RFFL: variants seen among roughly 807,000 people sequenced by gnomAD.
RFFL encodes ring finger and FYVE like domain containing E3 ubiquitin protein ligase.
A neutral mutation model predicts 40.4 loss-of-function variants in RFFL; 16 were observed. That is an observed-to-expected ratio of 0.40 (90% confidence interval 0.27 to 0.60). RFFL has a LOEUF of 0.60. Among genes scored for constraint, RFFL ranks in the 20% least tolerant of loss-of-function variants. The pLI is 0.47. For synonymous variants in RFFL, 154 were observed against 167.9 expected (o/e 0.92, Z 0.64); for missense variants, 367 against 451.7 (o/e 0.81, Z 1.70).
rs1029952556 is a variant in RFFL, at chr17:35,011,231, CAG to C, written c.*735_*736del. 2 of 152,198 alleles carry C rather than the reference CAG, an allele frequency of 1.3e-5. No individual in the cohort carries two copies. The highest frequency in any genetic ancestry group is 2.9e-5 in the Non-Finnish European group (2 of 68,044). The allele number at this position is 152,198 out of a possible 1,614,324, so 9.4% of individuals were successfully genotyped here. On this transcript the variant is annotated 3_prime_UTR_variant, in exon 7 of 7. Coordinates refer to ENST00000394597, the MANE Select transcript of RFFL (RefSeq NM_001017368.2). Reference sequence around the variant, plus strand: ...TTATGCACGCACTATCCCTTGCAGACAGAAACAAATTTCCCAGCAGTTTGGGA... The same window carrying C: ...TTATGCACGCACTATCCCTTGCAGACAAACAAATTTCCCAGCAGTTTGGGA...
At chr17:35,044,651 T>C (rs1249675653) in intron 1 of RFFL, among the ~76,000 whole-genome samples, 1 of 152,174 alleles carries the variant, frequency 6.6e-6, no homozygotes, top group Admixed American at 6.5e-5. Flanking sequence ...GGGTAACTAG[T>C]AAATAATAAT....
intron 1 of RFFL, among the ~76,000 whole-genome samples, chr17:35,076,502 GA>G (rs1281021872): frequency 1.3e-5 from 2 of 151,660 alleles, no homozygotes; most frequent in Non-Finnish European, 2.9e-5. Context: ...CCAACATGGA[GA>G]AACCCCATCT....
chr17:35,028,554 G>A (rs1021814527), intron 1 of RFFL, among the ~76,000 whole-genome samples: 1 of 152,028 alleles, frequency 6.6e-6, no homozygotes. Context: ...GTAGACTAAA[G>A]CAGCCCATGT....
intron 2 of RFFL, 112 bp from the exon 3 acceptor site, chr17:35,021,893 T>A: frequency 9.8e-7 from 1 of 1,022,588 alleles, no homozygotes; most frequent in South Asian, 1.5e-5. Flanking sequence ...CAGTCACTCT[T>A]ACTTTTACTA....
At position 35,016,444 on chromosome 17, in the gene RFFL, C is replaced by G; in HGVS notation, c.812G>C (p.Gly271Ala). Residue 271 changes from glycine to alanine, a missense_variant, in exon 5 of 7, where the codon GGC becomes GCC. Transcript: ENST00000394597. ...CATCAGCTCCCACTTCTCACAGCAG[C>G]CCTTGTAGTTGACAAAGTTGCGAGC... ...ILARNFVNYK[G>A]CCEKWELMER... The G allele has an allele frequency of 1.2e-6, 2 of 1,614,204 alleles. No homozygotes were observed. The highest frequency in any genetic ancestry group is 1.7e-6 in the Non-Finnish European group (2 of 1,180,028).
intron 1 of RFFL, among the ~76,000 whole-genome samples, chr17:35,055,120 G>A (rs769968185): frequency 3.3e-5 from 5 of 151,866 alleles, no homozygotes; most frequent in Non-Finnish European, 5.9e-5. Context: ...GGGTTTCACC[G>A]TGTTAGCCAA....
At chr17:35,063,015 C>T (rs953588700) in intron 1 of RFFL, among the ~76,000 whole-genome samples, 6 of 152,142 alleles carry the variant, frequency 3.9e-5, no homozygotes, top group Admixed American at 1.3e-4. Context: ...CTTAGTTTGA[C>T]TAAAGTGTTT....
chr17:35,021,383 C>G lies in RFFL; in HGVS notation c.579G>C (p.Gln193His), dbSNP rs2091007238. ...AATGGGCCCTTACCTGCTGATTCTC[C>G]TGAACCTGGGCTGGGGGAACAGAGG... The part of the protein sequence containing the change: ...QATSVPPAQV[Q>H]ENQQANGHVS... The change falls in exon 3 of 7, where the codon CAG (glutamine) becomes CAC (histidine). Residue 193 changes from glutamine (Q) to histidine (H), a missense_variant. Gln to His is a conservative substitution (Grantham distance 24). Transcript: ENST00000394597. 58 of 1,520,586 alleles carry G rather than the reference C, an allele frequency of 3.8e-5. No individual in the cohort carries two copies. The highest frequency in any genetic ancestry group is 5.0e-5 in the Non-Finnish European group (57 of 1,136,584). 94.2% of individuals were successfully genotyped at this position (1,520,586 alleles called of 1,614,324 possible). A position where few individuals can be genotyped will look rare whatever the true frequency, so the allele number is the denominator to read the frequency against.
chr17:35,044,394 G>C (rs1350499640), intron 1 of RFFL, among the ~76,000 whole-genome samples: 1 of 152,142 alleles, frequency 6.6e-6, no homozygotes, highest in African/African-American at 2.4e-5. Flanking sequence ...CTTTTAATAA[G>C]TGTTGTCAGC....
At chr17:35,082,024 A>G (rs1221100104) in intron 1 of RFFL, among the ~76,000 whole-genome samples, 2 of 152,210 alleles carry the variant, frequency 1.3e-5, no homozygotes. Flanking sequence ...AAATAAATAT[A>G]TAAGAAATTA....
intron 1 of RFFL, among the ~76,000 whole-genome samples, chr17:35,082,617 T>A (rs569137366): frequency 6.6e-6 from 1 of 152,338 alleles, no homozygotes; most frequent in African/African-American, 2.4e-5. Context: ...TAGATATTCC[T>A]GGAAAGAGAT....
chr17:35,088,814 G>A (rs2091443757), intron 1 of RFFL: 1 of 152,322 alleles, frequency 6.6e-6, no homozygotes, highest in Non-Finnish European at 1.5e-5. Context: ...GGTCTGCAGG[G>A]CGCTTGGGGA....
At chr17:35,024,010 A>C (rs1174071055) in intron 2 of RFFL, among the ~76,000 whole-genome samples, 2 of 152,216 alleles carry the variant, frequency 1.3e-5, no homozygotes, top group Admixed American at 1.3e-4. Flanking sequence ...CTTATGTATA[A>C]ATTCTGCCGA....
chr17:35,042,823 C>CAAAAAAAA (rs11296826), intron 1 of RFFL, among the ~76,000 whole-genome samples: 1 of 60,458 alleles, frequency 1.7e-5, no homozygotes, highest in African/African-American at 5.0e-5. Flanking sequence ...GACTCCATCT[C>CAAAAAAAA]AAAAAAAAAA....
chr17:35,016,277 T>G, intron 5 of RFFL, 93 bp downstream of exon 5: 1 of 1,086,174 alleles, frequency 9.2e-7, no homozygotes. Flanking sequence ...ATGGCTTAAG[T>G]GTGGAAATTG....
chr17:35,076,679 A>AAATTAATAAT (rs2091378258), intron 1 of RFFL: 1 of 137,196 alleles, frequency 7.3e-6, no homozygotes, highest in South Asian at 2.4e-4. Flanking sequence ...ACTCCGTCTC[A>AAATTAATAAT]AATAATAATA....
chr17:35,060,662 C>T (rs1212341166), intron 1 of RFFL, among the ~76,000 whole-genome samples: 1 of 152,202 alleles, frequency 6.6e-6, no homozygotes, highest in Non-Finnish European at 1.5e-5. Flanking sequence ...TGAATGATTA[C>T]TTGATGGTGG....
At chr17:35,086,016 G>A (rs1303797541) in intron 1 of RFFL, among the ~76,000 whole-genome samples, 30 of 152,198 alleles carry the variant, frequency 2.0e-4, no homozygotes, top group Admixed American at 1.9e-3. Flanking sequence ...TTAAATACAT[G>A]AGGCCAATTC....
chr17:35,016,509 G>A lies in RFFL; in HGVS notation c.747C>T (p.Asp249=). ...GCTGCCGCACTGTCAGGCCTTCAAT[G>A]TCCTCCAGGTCAGTCAGGTCAGACA... ...ASLSDLTDLE[D]IEGLTVRQLK... The change falls in exon 5 of 7, where the codon GAC becomes GAT. Residue 249 remains aspartate, a synonymous_variant. Coordinates refer to ENST00000394597, the MANE Select transcript of RFFL (RefSeq NM_001017368.2). The A allele has an allele frequency of 6.2e-7, 1 of 1,614,204 alleles. No individual in the cohort carries two copies. Among genetic ancestry groups the A allele is most frequent in the South Asian group, 1.1e-5 (1 of 91,088 alleles).
Sources: gnomAD v4.1 joint callset for allele counts (sites outside exome capture counted in the v4.1 genomes callset) on GRCh38, gnomAD v4.1.1 for gene constraint, MANE v1.5 for transcripts, NCBI Gene and HGNC (gene_info 2026-07-23, HGNC 2026-07-21) for gene names.